Variants in DYNLRB1 observed in about 807,000 individuals in gnomAD.
DYNLRB1 encodes dynein light chain roadblock-type 1.
DYNLRB1 carries 6 observed loss-of-function variants against 13.5 expected under a neutral mutation model. That is an observed-to-expected ratio of 0.44 (90% confidence interval 0.24 to 0.88). The LOEUF (loss-of-function observed/expected upper bound fraction) is 0.88. Among genes scored for constraint, DYNLRB1 ranks in the 40% least tolerant of loss-of-function variants. DYNLRB1 has a pLI of 0.21. For synonymous variants in DYNLRB1, 43 were observed against 45.0 expected (o/e 0.96, Z 0.18); for missense variants, 93 against 127.2 (o/e 0.73, Z 1.29).
chr20:34,522,907 G>A (rs923517885), intron 1 of DYNLRB1, among the ~76,000 whole-genome samples: 2 of 152,150 alleles, frequency 1.3e-5, no homozygotes, highest in Admixed American at 6.5e-5. Context: ...GGTTGATTTC[G>A]TGAAACATAG....
chr20:34,535,020 G>C, intron 3 of DYNLRB1: 2 of 1,387,906 alleles, frequency 1.4e-6, no homozygotes, highest in Admixed American at 3.1e-5. Context: ...TCCTGAGATA[G>C]ACAGACACGT....
At chr20:34,517,485 T>TA (rs972815535) in intron 1 of DYNLRB1, among the ~76,000 whole-genome samples, 13 of 152,082 alleles carry the variant, frequency 8.5e-5, no homozygotes, top group East Asian at 5.8e-4. Context: ...TCTTAAGCTG[T>TA]AAAAAAAATT....
At chr20:34,516,630 G>A (rs1354889944) in intron 1 of DYNLRB1, 169 bp downstream of exon 1, 1 of 1,486,852 alleles carries the variant, frequency 6.7e-7, no homozygotes, top group Non-Finnish European at 8.9e-7. Context: ...CGGCGGCGGA[G>A]GCCTCTAAAG....
At chr20:34,525,162 T>A (rs1275514898) in intron 1 of DYNLRB1, among the ~76,000 whole-genome samples, 1 of 151,870 alleles carries the variant, frequency 6.6e-6, no homozygotes, top group African/African-American at 2.4e-5. Context: ...TTGTGCTGTC[T>A]CCACCCAGTG....
intron 1 of DYNLRB1, among the ~76,000 whole-genome samples, chr20:34,525,332 A>G (rs1980106423): frequency 6.6e-6 from 1 of 152,168 alleles, no homozygotes; most frequent in African/African-American, 2.4e-5. Flanking sequence ...GGAAGAATTA[A>G]GTCTAGTTCA....
chr20:34,519,307 T>A (rs1979521484), intron 1 of DYNLRB1, among the ~76,000 whole-genome samples: 2 of 152,170 alleles, frequency 1.3e-5, no homozygotes, highest in South Asian at 4.1e-4. Context: ...CTGTTGGCAG[T>A]TGGGTGTGTT....
chr20:34,540,015 C>G (rs1981456252), intron 3 of DYNLRB1, among the ~76,000 whole-genome samples: 1 of 152,056 alleles, frequency 6.6e-6, no homozygotes, highest in Non-Finnish European at 1.5e-5. Context: ...ATGACATTAC[C>G]CAAGTCCAGT....
At chr20:34,525,245 C>T (rs1297044688) in intron 1 of DYNLRB1, among the ~76,000 whole-genome samples, 1 of 151,300 alleles carries the variant, frequency 6.6e-6, no homozygotes, top group Non-Finnish European at 1.5e-5. Context: ...CTTTGAGGGG[C>T]TTCTGACTGG....
chr20:34,537,937 T>G (rs1600555217), intron 3 of DYNLRB1, among the ~76,000 whole-genome samples: 1 of 150,006 alleles, frequency 6.7e-6, no homozygotes, highest in East Asian at 2.0e-4. Context: ...TCTCCACATG[T>G]GTGCCACATT....
At chr20:34,516,815 G>T in intron 1 of DYNLRB1, 1 of 1,549,932 alleles carries the variant, frequency 6.5e-7, no homozygotes, top group Non-Finnish European at 8.7e-7. Flanking sequence ...TCAGTTTGTG[G>T]CAGGCTCTGC....
At chr20:34,539,770 G>A (rs1425307240) in intron 3 of DYNLRB1, among the ~76,000 whole-genome samples, 1 of 152,126 alleles carries the variant, frequency 6.6e-6, no homozygotes, top group Non-Finnish European at 1.5e-5. Context: ...GCCTCCCAAA[G>A]TGCTACGTGA....
intron 2 of DYNLRB1, among the ~76,000 whole-genome samples, chr20:34,529,058 G>T (rs780914332): frequency 1.3e-5 from 2 of 152,208 alleles, no homozygotes; most frequent in Non-Finnish European, 2.9e-5. Flanking sequence ...GCTCCCACAG[G>T]CCAGGATTTA....
intron 1 of DYNLRB1, among the ~76,000 whole-genome samples, chr20:34,524,154 G>C (rs990478541): frequency 1.3e-5 from 2 of 151,904 alleles, no homozygotes; most frequent in Admixed American, 6.6e-5. Flanking sequence ...AATGAAAAAG[G>C]GTGTTTTGAA....
At chr20:34,535,906 C>A (rs962483490) in intron 3 of DYNLRB1, 3 of 985,216 alleles carry the variant, frequency 3.0e-6, no homozygotes, top group Non-Finnish European at 2.4e-6. Flanking sequence ...ATGCTCTGGA[C>A]TGGCAACACA....
chr20:34,525,190 C>A (rs953174703), intron 1 of DYNLRB1, among the ~76,000 whole-genome samples: 1 of 152,034 alleles, frequency 6.6e-6, no homozygotes, highest in East Asian at 1.9e-4. Flanking sequence ...TCCCCCCCCC[C>A]ATTTCTTTTG....
chr20:34,521,992 C>T (rs1318763088), intron 1 of DYNLRB1, among the ~76,000 whole-genome samples: 1 of 151,788 alleles, frequency 6.6e-6, no homozygotes, highest in East Asian at 1.9e-4. Context: ...GAGCCATGAT[C>T]GAACCATGGC....
intron 3 of DYNLRB1, among the ~76,000 whole-genome samples, chr20:34,537,884 T>G (rs1168829286): frequency 1.3e-5 from 2 of 152,046 alleles, no homozygotes; most frequent in African/African-American, 4.8e-5. Flanking sequence ...GAGGTACTGC[T>G]TCCCAGGCTG....
chr20:34,522,536 G>A (rs1432384963), intron 1 of DYNLRB1, among the ~76,000 whole-genome samples: 19 of 134,290 alleles, frequency 1.4e-4, no homozygotes, highest in Admixed American at 1.3e-3. Flanking sequence ...GCAATGGCGC[G>A]ATCATGGCTC....
chr20:34,540,863 A>G lies in DYNLRB1; in HGVS notation c.*239A>G. On this transcript the variant is annotated 3_prime_UTR_variant, in exon 4 of 4. Transcript: ENST00000357156. ...TCCAGGTTTTGGAGCAAGAGCTTGC[A>G]GGAAGCCCGCACCCAGCTTCCTTCT... 2.1e-6 allele frequency: 1 copy of G among 479,062 alleles called. No individual in the cohort carries two copies. The highest frequency in any genetic ancestry group is 3.7e-6 in the Non-Finnish European group (1 of 273,288). The allele number at this position is 479,062 out of a possible 1,614,324, so 29.7% of individuals were successfully genotyped here.
Sources: gnomAD v4.1 joint callset for allele counts (sites outside exome capture counted in the v4.1 genomes callset) on GRCh38, gnomAD v4.1.1 for gene constraint, MANE v1.5 for transcripts, NCBI Gene and HGNC (gene_info 2026-07-23, HGNC 2026-07-21) for gene names.